The following TMCC1 variants were observed in gnomAD, a reference collection of about 807,000 sequenced individuals.
TMCC1 encodes the protein transmembrane and coiled-coil domain family 1.
TMCC1 carries 15 observed loss-of-function variants against 52.4 expected under a neutral mutation model. The observed-to-expected ratio is 0.29, with a 90% CI of 0.19 to 0.44. The LOEUF is 0.44. Ranked by LOEUF, TMCC1 falls within the 20% of genes least tolerant of loss-of-function variation. The pLI, the probability that TMCC1 is intolerant of heterozygous loss-of-function variation, is 1.00. For missense variants in TMCC1, 503 were observed against 806.0 expected (o/e 0.62, Z 4.55); for synonymous variants, 279 against 301.9 (o/e 0.92, Z 0.79).
At chr3:129,688,727 T>C (rs2089596816) in intron 4 of TMCC1, 5 of 985,450 alleles carry the variant, frequency 5.1e-6, no homozygotes, top group Non-Finnish European at 6.0e-6. Flanking sequence ...GAGCAGCTAA[T>C]GCAAATGAAT....
At chr3:129,715,222 T>C (rs987612767) in intron 4 of TMCC1, among the ~76,000 whole-genome samples, 1 of 152,112 alleles carries the variant, frequency 6.6e-6, no homozygotes, top group African/African-American at 2.4e-5. Flanking sequence ...TGAAGACAAA[T>C]GTTTTCCTTT....
rs143786435 is a variant in TMCC1, at chr3:129,837,959, A to G, written c.-183-5133T>C. On this transcript the variant is annotated intron_variant, in intron 2 of 6. Coordinates refer to ENST00000393238, the MANE Select transcript of TMCC1 (RefSeq NM_001017395.5). ...AAATAGGCTAGTAGAAACTACCCAA[A>G]CTGAAATATAAAGAGAAAAGAGATT... is the stretch of plus-strand genomic sequence containing the variant. 1.8e-3 allele frequency among the ~76,000 whole-genome samples: 268 copies of G among 152,372 alleles called. 1 individual carries two copies. Among genetic ancestry groups the G allele is most frequent in the African/African-American group, 5.9e-3 (247 of 41,602 alleles).
rs370503281 is a variant in TMCC1 at position 129,737,574 on chromosome 3, C to T, written c.577-66310G>A. 1.6e-4 allele frequency among the ~76,000 whole-genome samples: 25 copies of T among 152,078 alleles called. No individual in the cohort carries two copies. In the South Asian group the frequency reaches 2.1e-3, roughly 13 times the overall value. On this transcript the variant is annotated intron_variant, in intron 4 of 6. Coordinates refer to ENST00000393238, the MANE Select transcript of TMCC1 (RefSeq NM_001017395.5). ...GTGACATCTATCTATGAGAAATAGGCCTTCACCAGACACCAAATCTGCTGG... is the reference window on the plus strand; with the variant it reads ...GTGACATCTATCTATGAGAAATAGGTCTTCACCAGACACCAAATCTGCTGG...
rs1234933023 is a variant in TMCC1, at chr3:129,828,330, C to G, written c.49G>C (p.Gly17Arg). 8.1e-6 allele frequency: 13 copies of G among 1,614,040 alleles called. No individual in the cohort carries two copies. Among genetic ancestry groups the G allele is most frequent in the Non-Finnish European group, 1.1e-5 (13 of 1,179,996 alleles). Reference sequence around the variant, plus strand: ...CTGGCCTCTGCATCTTGGGATTTGCCTCCAGGATCAGGGTCCTCAAATAAC... The same window carrying G: ...CTGGCCTCTGCATCTTGGGATTTGCGTCCAGGATCAGGGTCCTCAAATAAC... ...EQLFEDPDPG[G>R]KSQDAEARKQ... Residue 17 changes from glycine to arginine, a missense_variant, in exon 4 of 7, where the codon GGC becomes CGC. By Grantham distance (125) the Gly-to-Arg change is moderately radical (BLOSUM62 -2). This residue lies in a region of TMCC1 where 217 missense variants were observed against 297.9 expected (regional missense o/e 0.73). Coordinates refer to ENST00000393238, the MANE Select transcript of TMCC1 (RefSeq NM_001017395.5). The surrounding 1 kb of genome is among the most constrained non-coding windows in gnomAD (Gnocchi z 4.1).
intron 4 of TMCC1, among the ~76,000 whole-genome samples, chr3:129,778,557 AGAAT>A (rs769781329): frequency 3.9e-5 from 6 of 152,146 alleles, no homozygotes; most frequent in Non-Finnish European, 8.8e-5. Context: ...AAAGGAAGAA[AGAAT>A]GGTGATATGG....
chr3:129,849,293 C>T (rs538195932), intron 2 of TMCC1, among the ~76,000 whole-genome samples: 11 of 151,836 alleles, frequency 7.2e-5, no homozygotes, highest in African/African-American at 2.4e-4. Flanking sequence ...TGAAACTCCA[C>T]CTCTACTAAA....
At chr3:129,870,836 G>C (rs1279027958) in intron 2 of TMCC1, among the ~76,000 whole-genome samples, 2 of 142,724 alleles carry the variant, frequency 1.4e-5, no homozygotes, top group African/African-American at 5.2e-5. Flanking sequence ...AGAAAATTTA[G>C]ATTATCCCTG....
chr3:129,841,573 A>T (rs899393356), intron 2 of TMCC1, among the ~76,000 whole-genome samples: 4 of 152,068 alleles, frequency 2.6e-5, no homozygotes, highest in Non-Finnish European at 5.9e-5. Context: ...ACAGAGTGAG[A>T]CTCCCTCTCA....
intron 3 of TMCC1, among the ~76,000 whole-genome samples, chr3:129,829,014 T>G (rs1477977438): frequency 1.3e-5 from 2 of 152,238 alleles, no homozygotes; most frequent in African/African-American, 4.8e-5. Flanking sequence ...TATGTGGATT[T>G]TAATGGAAAA....
intron 2 of TMCC1, among the ~76,000 whole-genome samples, chr3:129,854,091 G>T (rs946341068): frequency 1.3e-5 from 2 of 151,882 alleles, no homozygotes; most frequent in Non-Finnish European, 2.9e-5. Context: ...CATTTCAGTC[G>T]AGTGTTCTTA....
intron 4 of TMCC1, among the ~76,000 whole-genome samples, chr3:129,700,508 C>T (rs1391164670): frequency 2.0e-5 from 3 of 152,004 alleles, no homozygotes; most frequent in African/African-American, 4.8e-5. Context: ...GACGGAGTCT[C>T]GCTCTGTTGC....
chr3:129,799,513 TA>T (rs2057050057), intron 4 of TMCC1, among the ~76,000 whole-genome samples: 1 of 152,152 alleles, frequency 6.6e-6, no homozygotes, highest in South Asian at 2.1e-4. Flanking sequence ...GTCCTTACTT[TA>T]AAAACATTTT....
chr3:129,726,888 A>AAAAAAAAAAAAAAAAAAAAAAAAC (rs2050141895), intron 4 of TMCC1, among the ~76,000 whole-genome samples: 1 of 143,416 alleles, frequency 7.0e-6, no homozygotes, highest in Non-Finnish European at 1.5e-5. Context: ...AAAAAAAAAA[A>AAAAAAAAAAAAAAAAAAAAAAAAC]AAAAAAAAAA....
At chr3:129,732,623 C>G (rs921529058) in intron 4 of TMCC1, among the ~76,000 whole-genome samples, 2 of 152,114 alleles carry the variant, frequency 1.3e-5, no homozygotes, top group African/African-American at 4.8e-5. Flanking sequence ...ATTTACTCTG[C>G]TCAGCCATAC....
At chr3:129,888,134 T>G (rs575489941) in intron 1 of TMCC1, among the ~76,000 whole-genome samples, 5 of 152,280 alleles carry the variant, frequency 3.3e-5, no homozygotes, top group African/African-American at 1.2e-4. Context: ...CCACTATACG[T>G]GTATGCTGGA....
chr3:129,739,458 T>C (rs374885540), intron 4 of TMCC1, among the ~76,000 whole-genome samples: 161 of 152,296 alleles, frequency 1.1e-3, no homozygotes, highest in African/African-American at 3.5e-3. Flanking sequence ...CCACTGCGCC[T>C]GGCCCACAGA....
rs562454112 is a variant in TMCC1, at chr3:129,739,005, T to TG, written c.577-67742dup. ...CTAATTTTTGTATTTTTTGTAGAGA[T>TG]GGGGTTTTGCCATGTTGCCCAGGCT... On this transcript the variant is annotated intron_variant, in intron 4 of 6. Transcript: ENST00000393238. Among the ~76,000 whole-genome samples the TG allele has an allele frequency of 4.7e-4, 72 of 151,676 alleles. 1 individual carries two copies. Among genetic ancestry groups the TG allele is most frequent in the African/African-American group, 1.7e-3 (71 of 41,368 alleles).
chr3:129,867,938 T>C (rs1472418551), intron 2 of TMCC1, among the ~76,000 whole-genome samples: 1 of 152,216 alleles, frequency 6.6e-6, no homozygotes, highest in Non-Finnish European at 1.5e-5. Context: ...ACATATTTAT[T>C]GTGTGCCTAA....
intron 4 of TMCC1, among the ~76,000 whole-genome samples, chr3:129,753,244 G>A (rs930678948): frequency 2.0e-5 from 3 of 152,162 alleles, no homozygotes; most frequent in Non-Finnish European, 4.4e-5. Flanking sequence ...TTTTCCAAAT[G>A]ACTCAGATTT....
Sources: gnomAD v4.1 joint callset for allele counts (sites outside exome capture counted in the v4.1 genomes callset) on GRCh38, gnomAD v4.1.1 for gene constraint, gnomAD v4.1.1 regional missense constraint, Gnocchi (gnomAD v3.1) non-coding constraint, MANE v1.5 for transcripts, NCBI Gene and HGNC (gene_info 2026-07-23, HGNC 2026-07-21) for gene names.